PLEKHG1: variants seen among roughly 807,000 people sequenced by gnomAD.
PLEKHG1 encodes the protein pleckstrin homology and RhoGEF domain containing G1.
Under a neutral mutation model 100.8 loss-of-function variants are expected in PLEKHG1, and 44 were observed. The ratio of observed to expected loss-of-function variants is 0.44; its 90% confidence interval spans 0.34 to 0.56. The LOEUF (loss-of-function observed/expected upper bound fraction) is 0.56, where lower values mean the gene tolerates loss of function less well. PLEKHG1 is among the 20% of genes least tolerant of loss of function. The probability of loss-of-function intolerance (pLI) is 0.01; values close to 1 mark genes in which losing one functional copy is unlikely to be tolerated. For missense variants in PLEKHG1, 1,545 were observed against 1,720.9 expected (o/e 0.90, Z 1.81); for synonymous variants, 640 against 662.5 (o/e 0.97, Z 0.52).
chr6:150,765,408 C>T (rs6918650), intron 2 of PLEKHG1, among the ~76,000 whole-genome samples: 54,635 of 150,968 alleles, frequency 0.36, 12,138 homozygotes, highest in African/African-American at 0.61. Context: ...TCAGGAGAAT[C>T]GCTTGAACTT....
intron 3 of PLEKHG1, among the ~76,000 whole-genome samples, chr6:150,669,066 A>G (rs956158525): frequency 1.3e-5 from 2 of 151,972 alleles, no homozygotes; most frequent in African/African-American, 4.8e-5. Flanking sequence ...TTTCTCCCCT[A>G]CTTAGTTCTG....
At position 150,762,697 on chromosome 6, in the gene PLEKHG1, C is replaced by T. The variant is rs576303769; in HGVS notation, c.412-5941C>T. Among the ~76,000 whole-genome samples the T allele has an allele frequency of 5.3e-5, 8 of 152,224 alleles. No individual in the cohort carries two copies. The East Asian group carries it at 5.8e-4, about 11-fold the overall frequency. On this transcript the variant is annotated intron_variant, in intron 2 of 15. Transcript: ENST00000358517. ...TTTGTATCCAGCCTAATGCAGTGGCCGGAGACCACCATTCCCCAGATCCTG... is the reference window on the plus strand; with the variant it reads ...TTTGTATCCAGCCTAATGCAGTGGCTGGAGACCACCATTCCCCAGATCCTG...
chr6:150,742,333 G>A (rs540689995), intron 2 of PLEKHG1, among the ~76,000 whole-genome samples: 16 of 152,220 alleles, frequency 1.1e-4, no homozygotes, highest in Non-Finnish European at 1.6e-4. Context: ...CGGGGAGGCC[G>A]AGGTGGGCGG....
chr6:150,639,093 A>C (rs971089130), intron 2 of PLEKHG1, among the ~76,000 whole-genome samples: 7 of 152,326 alleles, frequency 4.6e-5, no homozygotes, highest in African/African-American at 1.7e-4. Context: ...AAGTGAAAAG[A>C]ATTCACTTTA....
intron 1 of PLEKHG1, among the ~76,000 whole-genome samples, chr6:150,614,025 A>G (rs1331660235): frequency 6.6e-6 from 1 of 152,110 alleles, no homozygotes; most frequent in Non-Finnish European, 1.5e-5. Flanking sequence ...TATAATAGGC[A>G]CTGCAGTATT....
At chr6:150,640,404 G>A (rs1388659113) in intron 2 of PLEKHG1, among the ~76,000 whole-genome samples, 1 of 152,178 alleles carries the variant, frequency 6.6e-6, no homozygotes, top group Non-Finnish European at 1.5e-5. Flanking sequence ...GAACCATCAT[G>A]TTCCTGCCTT....
rs1173343082 is a variant in PLEKHG1 at position 150,816,326 on chromosome 6, C to CTTTTTTTTTTTTTTTTTTTT, written c.1279-1845_1279-1826dup. ...GAGGTTTGAAGTTGTCTCAAACATACTTTTTTTTTTTTTTTTTTTTTTTTT... is the reference window on the plus strand; with the variant it reads ...GAGGTTTGAAGTTGTCTCAAACATACTTTTTTTTTTTTTTTTTTTTTTTTTTTTTTTTTTTTTTTTTTTTT... On this transcript the variant is annotated intron_variant, in intron 10 of 15. Coordinates refer to ENST00000358517, the Ensembl canonical transcript of PLEKHG1. 1.5e-4 allele frequency among the ~76,000 whole-genome samples: 6 copies of CTTTTTTTTTTTTTTTTTTTT among 41,132 alleles called. 2 individuals carry two copies. Among genetic ancestry groups the CTTTTTTTTTTTTTTTTTTTT allele is most frequent in the Non-Finnish European group, 2.3e-4 (5 of 21,410 alleles). 27.0% of individuals were successfully genotyped at this position (41,132 alleles called of 152,430 possible).
chr6:150,832,308 C>A, intron 15 of PLEKHG1, 103 bp downstream of exon 16: 1 of 941,960 alleles, frequency 1.1e-6, no homozygotes, highest in Non-Finnish European at 1.6e-6. Flanking sequence ...AACACTGACA[C>A]TCAAGCTTTG....
At chr6:150,707,154 G>A (rs1235885000) in intron 3 of PLEKHG1, among the ~76,000 whole-genome samples, 10 of 151,514 alleles carry the variant, frequency 6.6e-5, no homozygotes, top group Admixed American at 2.6e-4. Flanking sequence ...ACAGGTGCGC[G>A]CCACCATGCC....
intron 3 of PLEKHG1, among the ~76,000 whole-genome samples, chr6:150,779,010 G>A (rs1785143800): frequency 6.6e-6 from 1 of 152,210 alleles, no homozygotes; most frequent in Admixed American, 6.5e-5. Flanking sequence ...GTGTTTCTAA[G>A]AGAGTGCAGG....
chr6:150,786,218 C>T (rs943439942), intron 3 of PLEKHG1, among the ~76,000 whole-genome samples, 172 bp from the exon 5 acceptor site: 1 of 152,192 alleles, frequency 6.6e-6, no homozygotes, highest in African/African-American at 2.4e-5. Flanking sequence ...CCACCATGAC[C>T]TTGGGCAAGT....
chr6:150,761,028 C>T (rs1433780352), intron 2 of PLEKHG1, among the ~76,000 whole-genome samples: 1 of 150,906 alleles, frequency 6.6e-6, no homozygotes, highest in South Asian at 2.1e-4. Flanking sequence ...TACATTTATA[C>T]ACATCCACAT....
intron 5 of PLEKHG1, among the ~76,000 whole-genome samples, chr6:150,797,475 A>G (rs1786415103): frequency 6.6e-6 from 1 of 151,892 alleles, no homozygotes; most frequent in African/African-American, 2.4e-5. Flanking sequence ...GTTTGAGGCT[A>G]CAGTGAGCTA....
intron 3 of PLEKHG1, chr6:150,664,203 A>C (rs960750237): frequency 6.6e-6 from 1 of 152,206 alleles, no homozygotes; most frequent in African/African-American, 2.4e-5. Context: ...TCCCTTGTCC[A>C]TGTGCACCAG....
chr6:150,773,335 A>C lies in PLEKHG1; in HGVS notation c.512+4597A>C, dbSNP rs181463084. On this transcript the variant is annotated intron_variant, in intron 3 of 15. Transcript: ENST00000358517. The stretch of plus-strand genomic sequence containing the variant: ...GATCACCTGAGGTTAGGAGCTTGAG[A>C]CCCGCCTGGCTAATACAGTGAAACC... Among the ~76,000 whole-genome samples the C allele has an allele frequency of 3.4e-3, 514 of 152,158 alleles. 2 individuals are homozygous for C. The highest frequency in any genetic ancestry group is 0.011 in the African/African-American group (471 of 41,492).
intron 3 of PLEKHG1, among the ~76,000 whole-genome samples, chr6:150,781,170 C>T (rs375434927): frequency 8.6e-5 from 13 of 150,606 alleles, no homozygotes; most frequent in South Asian, 2.1e-4. Context: ...CCACCGCGCC[C>T]GGCCAAGAAC....
At chr6:150,711,756 CA>C (rs1413552669) in intron 3 of PLEKHG1, among the ~76,000 whole-genome samples, 2 of 152,134 alleles carry the variant, frequency 1.3e-5, no homozygotes, top group Non-Finnish European at 2.9e-5. Context: ...GTGCCTGGAA[CA>C]TAGTAGCTGC....
At chr6:150,795,761 G>T in intron 4 of PLEKHG1, 95 bp from the exon 6 acceptor site, 2 of 670,306 alleles carry the variant, frequency 3.0e-6, no homozygotes, top group Non-Finnish European at 5.3e-6. Flanking sequence ...ATATATAAAT[G>T]TCAAGGCCCG....
chr6:150,615,846 G>T (rs1005131405), intron 1 of PLEKHG1, among the ~76,000 whole-genome samples: 2 of 152,186 alleles, frequency 1.3e-5, no homozygotes, highest in African/African-American at 4.8e-5. Context: ...GGATTGATTG[G>T]TACAGTGGTG....
Sources: gnomAD v4.1 joint callset for allele counts (sites outside exome capture counted in the v4.1 genomes callset) on GRCh38, gnomAD v4.1.1 for gene constraint, MANE v1.5 for transcripts, NCBI Gene and HGNC (gene_info 2026-07-23, HGNC 2026-07-21) for gene names.